SLC24A4: variants seen among roughly 807,000 people sequenced by gnomAD.
SLC24A4 encodes the protein sodium/potassium/calcium exchanger 4.
SLC24A4 carries 53 observed loss-of-function variants against 79.0 expected under a neutral mutation model. The ratio of observed to expected loss-of-function variants is 0.67; its 90% CI spans 0.54 to 0.84. The LOEUF (loss-of-function observed/expected upper bound fraction) is 0.84. Among genes scored for constraint, SLC24A4 ranks in the 40% least tolerant of loss-of-function variants. The pLI is 0.00. For synonymous variants in SLC24A4, 323 were observed against 323.8 expected (o/e 1.00, Z 0.03); for missense variants, 731 against 822.0 (o/e 0.89, Z 1.35).
intron 2 of SLC24A4, among the ~76,000 whole-genome samples, chr14:92,361,051 G>A (rs998777598): frequency 3.9e-5 from 6 of 152,170 alleles, no homozygotes; most frequent in African/African-American, 1.4e-4. Flanking sequence ...TCCTCTCAGC[G>A]AGCACCCGGA....
At chr14:92,361,628 G>A (rs1261250519) in intron 2 of SLC24A4, among the ~76,000 whole-genome samples, 1 of 152,140 alleles carries the variant, frequency 6.6e-6, no homozygotes, top group Non-Finnish European at 1.5e-5. Context: ...CCTTGCCCTC[G>A]TGGTGTTACA....
chr14:92,483,519 A>G (rs980253146), intron 13 of SLC24A4, among the ~76,000 whole-genome samples: 3 of 152,152 alleles, frequency 2.0e-5, no homozygotes, highest in Non-Finnish European at 4.4e-5. Context: ...TCAGTTTGCT[A>G]CTGGACTTTT....
Position 92,488,871 on chromosome 14 carries a change from A to G in SLC24A4, c.1537+2091A>G, listed in dbSNP as rs1262578617. Among the ~76,000 whole-genome samples the G allele has an allele frequency of 2.0e-5, 3 of 152,178 alleles. No homozygotes were observed. In the East Asian group the frequency reaches 5.8e-4, roughly 29 times the overall value. ...GACAAGGAAATGTGCAGTTTAAACAACTGGCCCTGGAGTTCAGGCTAGGGA... is the reference window on the plus strand; with the variant it reads ...GACAAGGAAATGTGCAGTTTAAACAGCTGGCCCTGGAGTTCAGGCTAGGGA... On this transcript the variant is annotated intron_variant, in intron 14 of 16. Coordinates refer to ENST00000532405, the MANE Select transcript of SLC24A4 (RefSeq NM_153646.4).
chr14:92,339,952 T>C (rs1037192322), intron 2 of SLC24A4, among the ~76,000 whole-genome samples: 3 of 152,184 alleles, frequency 2.0e-5, no homozygotes, highest in African/African-American at 7.2e-5. Context: ...AAGGAATAGG[T>C]TGAGAGAGGC....
At chr14:92,416,468 G>T (rs1294746563) in intron 2 of SLC24A4, among the ~76,000 whole-genome samples, 1 of 152,198 alleles carries the variant, frequency 6.6e-6, no homozygotes. Flanking sequence ...AACAATGGCA[G>T]AACTGAACTT....
At chr14:92,449,591 C>T (rs1893022952) in intron 10 of SLC24A4, among the ~76,000 whole-genome samples, 2 of 152,216 alleles carry the variant, frequency 1.3e-5, no homozygotes, top group Admixed American at 6.5e-5. Context: ...AGCTGAGGAG[C>T]TGGGGCAGCA....
intron 2 of SLC24A4, among the ~76,000 whole-genome samples, chr14:92,408,166 A>AGTGTGTGTGTGTGT (rs143375295): frequency 0.045 from 6,189 of 136,756 alleles, 190 homozygotes; most frequent in South Asian, 0.086. Flanking sequence ...TTGCTACAGC[A>AGTGTGTGTGTGTGT]GTGTGTGTGT....
intron 2 of SLC24A4, among the ~76,000 whole-genome samples, chr14:92,395,644 T>G (rs906145185): frequency 3.3e-5 from 5 of 152,266 alleles, no homozygotes; most frequent in African/African-American, 1.2e-4. Context: ...GTGAGGGCCC[T>G]AATTCAGGAT....
intron 2 of SLC24A4, among the ~76,000 whole-genome samples, chr14:92,400,488 C>A (rs190827898): frequency 6.6e-6 from 1 of 151,012 alleles, no homozygotes; most frequent in Non-Finnish European, 1.5e-5. Flanking sequence ...TACACACAGC[C>A]GGAGTGCAGT....
At chr14:92,379,841 A>G (rs72695129) in intron 2 of SLC24A4, among the ~76,000 whole-genome samples, 47,405 of 151,870 alleles carry the variant, frequency 0.31, 8,896 homozygotes, top group East Asian at 0.7. Context: ...CAGCACACCC[A>G]TACTTCCTAC....
intron 2 of SLC24A4, among the ~76,000 whole-genome samples, chr14:92,415,768 T>A (rs1350258256): frequency 2.0e-5 from 3 of 150,714 alleles, no homozygotes; most frequent in Non-Finnish European, 4.5e-5. Context: ...TCTATGTTTT[T>A]ATTTTTTTTT....
intron 2 of SLC24A4, among the ~76,000 whole-genome samples, chr14:92,326,421 G>T (rs1272698099): frequency 6.6e-6 from 1 of 152,196 alleles, no homozygotes; most frequent in Non-Finnish European, 1.5e-5. Context: ...AGCTGCAGGG[G>T]TGGGACACTC....
chr14:92,410,877 C>A (rs546586217), intron 2 of SLC24A4, among the ~76,000 whole-genome samples: 1 of 152,284 alleles, frequency 6.6e-6, no homozygotes, highest in African/African-American at 2.4e-5. Context: ...AGCAGAATAA[C>A]CAAGCGTTAT....
intron 1 of SLC24A4, among the ~76,000 whole-genome samples, chr14:92,324,812 A>G (rs1260742847): frequency 6.6e-6 from 1 of 152,210 alleles, no homozygotes; most frequent in Non-Finnish European, 1.5e-5. Flanking sequence ...TTAAACACCA[A>G]GACATGGAAG....
At chr14:92,410,164 A>G (rs907200638) in intron 2 of SLC24A4, among the ~76,000 whole-genome samples, 7 of 152,158 alleles carry the variant, frequency 4.6e-5, no homozygotes, top group African/African-American at 1.7e-4. Context: ...AGCTTCACAC[A>G]TACCCCCAAA....
intron 2 of SLC24A4, among the ~76,000 whole-genome samples, chr14:92,421,483 T>G (rs1251285481): frequency 6.6e-6 from 1 of 152,104 alleles, no homozygotes; most frequent in African/African-American, 2.4e-5. Context: ...TCTTCTGTGC[T>G]GGATTCTTTC....
chr14:92,428,021 C>T (rs1289849164), intron 2 of SLC24A4, among the ~76,000 whole-genome samples: 4 of 152,210 alleles, frequency 2.6e-5, no homozygotes, highest in Non-Finnish European at 5.9e-5. Flanking sequence ...CCAGTGCCTT[C>T]GTCTTGGACC....
At chr14:92,454,166 G>A (rs1595308240) in intron 11 of SLC24A4, 97 bp downstream of exon 11, 6 of 1,318,792 alleles carry the variant, frequency 4.5e-6, no homozygotes, top group East Asian at 5.4e-5. Context: ...CACTGCACCT[G>A]TTTAAGGAAG....
At chr14:92,416,056 T>C (rs1052490226) in intron 2 of SLC24A4, among the ~76,000 whole-genome samples, 2 of 152,168 alleles carry the variant, frequency 1.3e-5, no homozygotes, top group Non-Finnish European at 2.9e-5. Flanking sequence ...CTGTAAACTC[T>C]GTGGAGATGT....
Sources: allele counts gnomAD v4.1 joint callset (sites outside exome capture counted in the v4.1 genomes callset), GRCh38; gene constraint gnomAD v4.1.1; transcripts MANE v1.5; gene names NCBI Gene and HGNC (gene_info 2026-07-23, HGNC 2026-07-21).